CDC14A: variants seen among roughly 807,000 people sequenced by gnomAD.
CDC14A encodes the protein dual specificity protein phosphatase CDC14A.
CDC14A carries 53 observed loss-of-function variants against 74.4 expected under a neutral mutation model. The observed-to-expected ratio is 0.71, with a 90% CI of 0.57 to 0.89. CDC14A has a LOEUF of 0.89. CDC14A is among the 40% of genes least tolerant of loss of function. The pLI is 0.00. For synonymous variants in CDC14A, 247 were observed against 258.4 expected, an observed-to-expected ratio of 0.96 and a Z score of 0.43; for missense variants, 646 against 713.7, an observed-to-expected ratio of 0.91 and a Z score of 1.08.
intron 4 of CDC14A, among the ~76,000 whole-genome samples, chr1:100,416,561 T>C (rs1023454359): frequency 3.9e-5 from 6 of 152,170 alleles, no homozygotes; most frequent in Non-Finnish European, 8.8e-5. Flanking sequence ...ATGGTCTTAT[T>C]AGGGACATTT....
chr1:100,486,769 A>C (rs115912154), intron 11 of CDC14A, among the ~76,000 whole-genome samples: 260 of 152,346 alleles, frequency 1.7e-3, no homozygotes, highest in African/African-American at 6.1e-3. Flanking sequence ...GAAATGAAAG[A>C]ATTCAGAGAT....
chr1:100,492,890 G>A (rs931159731), intron 11 of CDC14A, among the ~76,000 whole-genome samples: 1 of 151,912 alleles, frequency 6.6e-6, no homozygotes, highest in Admixed American at 6.6e-5. Context: ...GGGTATGTGT[G>A]TGTGTGTGAA....
intron 2 of CDC14A, among the ~76,000 whole-genome samples, chr1:100,368,289 T>C (rs1385018695): frequency 6.6e-6 from 1 of 152,248 alleles, no homozygotes; most frequent in Non-Finnish European, 1.5e-5. Context: ...TTTAATTTGT[T>C]TCACCTTAGT....
At chr1:100,408,798 C>T (rs1401998815) in intron 4 of CDC14A, among the ~76,000 whole-genome samples, 1 of 152,096 alleles carries the variant, frequency 6.6e-6, no homozygotes, top group Non-Finnish European at 1.5e-5. Context: ...CAGAACGGAT[C>T]CAGGCAATCA....
At chr1:100,429,523 G>A (rs1207846355) in intron 5 of CDC14A, among the ~76,000 whole-genome samples, 2 of 151,042 alleles carry the variant, frequency 1.3e-5, no homozygotes, top group Non-Finnish European at 2.9e-5. Context: ...CATACGTGGG[G>A]AGCTTTAAAA....
rs757601233 is a variant in CDC14A, at chr1:100,455,411, G to A, written c.526G>A (p.Glu176Lys). Residue 176 changes from glutamate (E) to lysine (K), a missense_variant, in exon 8 of 16, where the codon GAA becomes AAA. Transcript: ENST00000336454. ...VDEYEHYERV[E>K]NGDFNWIVPG... ...TCTTACAAAATTCTGCCAGCGAGTT[G>A]AAAATGGTGACTTCAACTGGATTGT... is the stretch of plus-strand genomic sequence containing the variant. 1.9e-6 allele frequency: 3 copies of A among 1,599,732 alleles called. No homozygotes were observed. Among genetic ancestry groups the A allele is most frequent in the Non-Finnish European group, 2.6e-6 (3 of 1,174,120 alleles).
At chr1:100,359,060 A>G (rs879888891) in intron 2 of CDC14A, among the ~76,000 whole-genome samples, 1 of 152,208 alleles carries the variant, frequency 6.6e-6, no homozygotes, top group Admixed American at 6.5e-5. Context: ...CTCAATTCTC[A>G]TTATAAATTG....
chr1:100,496,116 A>G (rs1441772504), intron 13 of CDC14A, 67 bp downstream of exon 13: 1 of 1,376,038 alleles, frequency 7.3e-7, no homozygotes, highest in Non-Finnish European at 1.0e-6. Flanking sequence ...CATGTTTCCC[A>G]AGCCTCAAAC....
chr1:100,469,258 A>C (rs1668153236), intron 10 of CDC14A, among the ~76,000 whole-genome samples: 1 of 152,230 alleles, frequency 6.6e-6, no homozygotes, highest in South Asian at 2.1e-4. Context: ...CTGAGGAATT[A>C]CTTACTTTAG....
upstream of CDC14A, among the ~76,000 whole-genome samples, chr1:100,349,931 T>C (rs983983437): frequency 6.6e-6 from 1 of 150,484 alleles, no homozygotes; most frequent in South Asian, 2.1e-4. Flanking sequence ...TACAGGCGTG[T>C]GCCACCACAC....
intron 2 of CDC14A, among the ~76,000 whole-genome samples, chr1:100,356,534 T>C (rs1651903757): frequency 6.6e-6 from 1 of 151,890 alleles, no homozygotes; most frequent in Non-Finnish European, 1.5e-5. Flanking sequence ...TAAGAGGGGT[T>C]GTTAAGGAGA....
rs141275753 is a variant in CDC14A at position 100,382,786 on chromosome 1, G to A, written c.216+5165G>A. On this transcript the variant is annotated intron_variant, in intron 3 of 15. Coordinates refer to ENST00000336454, the MANE Select transcript of CDC14A (RefSeq NM_003672.4). ...CAAAACATCCCATATAGCCCTTTCA[G>A]GGTAAAAGGGGAAGTGGGTGGGTAT... 2.9e-3 allele frequency among the ~76,000 whole-genome samples: 447 copies of A among 152,300 alleles called. 1 individual carries two copies. Among genetic ancestry groups the A allele is most frequent in the Non-Finnish European group, 5.3e-3 (360 of 68,026 alleles).
chr1:100,412,696 TTATATATATA>T lies in CDC14A; in HGVS notation c.310-11508_310-11499del, dbSNP rs139550432. 5.4e-5 allele frequency among the ~76,000 whole-genome samples: 4 copies of T among 74,138 alleles called. 1 individual carries two copies. Among genetic ancestry groups the T allele is most frequent in the African/African-American group, 4.6e-4 (4 of 8,636 alleles). The allele number at this position is 74,138 out of a possible 152,430, so 48.6% of individuals were successfully genotyped here. ...AAGGTGGGTGAACTTCCTGTATGTTTTATATATATATATATATATATATATATTTTATATA... is the reference window on the plus strand; with the variant it reads ...AAGGTGGGTGAACTTCCTGTATGTTTTATATATATATATATATTTTATATA... On this transcript the variant is annotated intron_variant, in intron 4 of 15. Coordinates refer to ENST00000336454, the MANE Select transcript of CDC14A (RefSeq NM_003672.4).
At chr1:100,400,622 T>A (rs1437111112) in intron 4 of CDC14A, among the ~76,000 whole-genome samples, 1 of 152,210 alleles carries the variant, frequency 6.6e-6, no homozygotes, top group African/African-American at 2.4e-5. Flanking sequence ...AATGGGCCAG[T>A]CTTTTATCTT....
intron 3 of CDC14A, among the ~76,000 whole-genome samples, chr1:100,390,057 CTTAG>C (rs1354009974): frequency 6.6e-6 from 1 of 152,064 alleles, no homozygotes; most frequent in East Asian, 1.9e-4. Context: ...TTATTTTGAA[CTTAG>C]TTAAATACTT....
chr1:100,356,673 T>C (rs143788195), intron 2 of CDC14A, among the ~76,000 whole-genome samples: 1 of 151,374 alleles, frequency 6.6e-6, no homozygotes, highest in Non-Finnish European at 1.5e-5. Context: ...GGCCAACATG[T>C]TGAAACCCCG....
intron 10 of CDC14A, among the ~76,000 whole-genome samples, chr1:100,475,377 A>G (rs1188583454): frequency 6.6e-6 from 1 of 152,070 alleles, no homozygotes; most frequent in African/African-American, 2.4e-5. Context: ...TTATTCTAAC[A>G]TCTCTGTCAT....
At chr1:100,506,705 G>A (rs1649268781) in intron 15 of CDC14A, among the ~76,000 whole-genome samples, 1 of 152,090 alleles carries the variant, frequency 6.6e-6, no homozygotes, top group Non-Finnish European at 1.5e-5. Context: ...TAATAGGTAA[G>A]GATTAATTTA....
intron 4 of CDC14A, among the ~76,000 whole-genome samples, chr1:100,411,864 G>GTGCT: frequency 6.6e-6 from 1 of 152,322 alleles, no homozygotes; most frequent in South Asian, 2.1e-4. Flanking sequence ...AGTTGGTGAT[G>GTGCT]TGCTGGTGAC....
Sources: allele counts gnomAD v4.1 joint callset (sites outside exome capture counted in the v4.1 genomes callset), GRCh38; gene constraint gnomAD v4.1.1; transcripts MANE v1.5; gene names NCBI Gene and HGNC (gene_info 2026-07-23, HGNC 2026-07-21).